BRCA2: variants seen among roughly 807,000 people sequenced by gnomAD.
BRCA2 encodes the protein breast cancer type 2 susceptibility protein.
BRCA2 carries 203 observed loss-of-function variants against 276.7 expected under a neutral mutation model. The observed-to-expected ratio is 0.73, with a 90% CI of 0.65 to 0.82. BRCA2 has a LOEUF of 0.82. Ranked by LOEUF, BRCA2 falls within the 40% of genes least tolerant of loss-of-function variation. The pLI is 0.00. For synonymous variants in BRCA2, 1,289 were observed against 1,338.4 expected (o/e 0.96, Z 0.81); for missense variants, 3,920 against 3,915.0 (o/e 1.00, Z -0.03).
intron 20 of BRCA2, among the ~76,000 whole-genome samples, chr13:32,373,854 G>A (rs1190382297): frequency 1.3e-5 from 2 of 152,224 alleles, no homozygotes; most frequent in African/African-American, 2.4e-5. Context: ...TTCCCTCCCG[G>A]TTTCCCTCCT....
At chr13:32,378,651 T>C (rs2072890235) in intron 21 of BRCA2, among the ~76,000 whole-genome samples, 2 of 152,224 alleles carry the variant, frequency 1.3e-5, no homozygotes, top group Non-Finnish European at 1.5e-5. Context: ...GTATGTTACA[T>C]GTCTAAATTC....
chr13:32,374,481 C>T (rs180887907), intron 20 of BRCA2, among the ~76,000 whole-genome samples: 10 of 152,354 alleles, frequency 6.6e-5, no homozygotes, highest in Non-Finnish European at 1.5e-4. Flanking sequence ...AGCCACATCA[C>T]ACCTTGAACA....
chr13:32,319,642 T>G (rs1279000072), intron 3 of BRCA2, among the ~76,000 whole-genome samples: 1 of 152,236 alleles, frequency 6.6e-6, no homozygotes, highest in Non-Finnish European at 1.5e-5. Flanking sequence ...TAAACTAAAC[T>G]ATATTTCTGC....
chr13:32,383,709 C>T (rs371216012), intron 24 of BRCA2, among the ~76,000 whole-genome samples: 22 of 151,702 alleles, frequency 1.5e-4, no homozygotes, highest in African/African-American at 5.1e-4. Flanking sequence ...CATTAGAAGA[C>T]GTGGATCAAT....
intron 15 of BRCA2, 144 bp from the exon 16 acceptor site, chr13:32,357,598 C>T: frequency 1.3e-6 from 1 of 772,034 alleles, no homozygotes; most frequent in East Asian, 2.7e-5. Flanking sequence ...TAGTAAATAA[C>T]TTAAATGTTT....
chr13:32,377,407 C>A (rs867883046), intron 21 of BRCA2, among the ~76,000 whole-genome samples: 2 of 152,084 alleles, frequency 1.3e-5, no homozygotes, highest in African/African-American at 4.8e-5. Flanking sequence ...GCCTGGCCAA[C>A]GTGGTGAAAC....
chr13:32,317,443 AC>A (rs1372476284), intron 2 of BRCA2, among the ~76,000 whole-genome samples: 2 of 152,162 alleles, frequency 1.3e-5, no homozygotes, highest in Non-Finnish European at 2.9e-5. Flanking sequence ...AATTAACCTC[AC>A]GTTGAAAAAA....
rs397507631 is a variant in BRCA2, at chr13:32,336,826, T to C, written c.2471T>C (p.Leu824Ser). The change falls in exon 11 of 27, where the codon TTA (leucine) becomes TCA (serine). Residue 824 changes from leucine to serine, a missense_variant. Physicochemically the swap from Leu to Ser is moderately radical, Grantham distance 145. Around this residue, in one of 2 missense-constraint regions of BRCA2, gnomAD observed 3,263 missense variants for 3,156.9 expected, o/e 1.03. Transcript: ENST00000380152. ...GAAAAGAATCAAGATGTATGTGCTTTAAATGAAAATTATAAAAACGTTGAG... is the reference window on the plus strand; with the variant it reads ...GAAAAGAATCAAGATGTATGTGCTTCAAATGAAAATTATAAAAACGTTGAG... ...PMEKNQDVCA[L>S]NENYKNVELL... 2.5e-6 allele frequency: 4 copies of C among 1,602,664 alleles called. No homozygotes were observed. The East Asian group carries it at 8.9e-5, about 36-fold the overall frequency.
chr13:32,386,379 G>A (rs1171904971), intron 24 of BRCA2, among the ~76,000 whole-genome samples: 2 of 152,156 alleles, frequency 1.3e-5, no homozygotes, highest in Non-Finnish European at 2.9e-5. Context: ...CTGCACTCCA[G>A]CCTGGGCCAC....
chr13:32,346,957 A>G (rs2137542143), intron 13 of BRCA2, 61 bp downstream of exon 13: 1 of 1,293,778 alleles, frequency 7.7e-7, no homozygotes. Flanking sequence ...TCGTTTTTAT[A>G]AATGAACATT....
intron 16 of BRCA2, among the ~76,000 whole-genome samples, chr13:32,361,797 G>C (rs75167858): frequency 6.6e-6 from 1 of 152,196 alleles, no homozygotes; most frequent in Non-Finnish European, 1.5e-5. Context: ...TGTTGTCTTA[G>C]TGCTAAGAGT....
intron 25 of BRCA2, 32 bp from the exon 26 acceptor site, chr13:32,396,866 T>G: frequency 6.2e-7 from 1 of 1,613,734 alleles, no homozygotes; most frequent in Non-Finnish European, 8.5e-7. Context: ...GGTTTGCAAT[T>G]TATAAAGCAG....
At chr13:32,343,099 C>T (rs1203336771) in intron 11 of BRCA2, among the ~76,000 whole-genome samples, 1 of 151,840 alleles carries the variant, frequency 6.6e-6, no homozygotes, top group Non-Finnish European at 1.5e-5. Context: ...ATAGGATGAC[C>T]ATTGCATATG....
intron 25 of BRCA2, among the ~76,000 whole-genome samples, chr13:32,395,770 A>G (rs1208104470): frequency 6.6e-6 from 1 of 152,076 alleles, no homozygotes. Context: ...ATATAAAAAT[A>G]TATTTTAAAA....
In BRCA2 at chr13:32,339,283, T is replaced by C. The variant is rs28897731; in HGVS notation, c.4928T>C (p.Val1643Ala). ...IFLKVKVHEN[V>A]EKETAKSPAT... ...TTGAAAGTTAAAGTACATGAAAATG[T>C]AGAAAAAGAAACAGCAAAAAGTCCT... The change falls in exon 11 of 27, where the codon GTA (valine) becomes GCA (alanine). Residue 1643 changes from valine (V) to alanine (A), a missense_variant. Physicochemically the swap from Val to Ala is moderately conservative, Grantham distance 64. This residue lies in a region of BRCA2 where 3,263 missense variants were observed against 3,156.9 expected (regional missense o/e 1.03). Transcript: ENST00000380152. 4.0e-5 allele frequency: 64 copies of C among 1,607,312 alleles called. No individual in the cohort carries two copies. The highest frequency in any genetic ancestry group is 3.3e-4 in the Middle Eastern group (2 of 6,036).
rs398122617 is a variant in BRCA2 at position 32,396,969 on chromosome 13, G to C, written c.9573G>C (p.Trp3191Cys). ...TACTGCATGCAAATGATCCCAAGTG[G>C]TCCACCCCAACTAAAGACTGTACTT... is the stretch of plus-strand genomic sequence containing the variant. ...MHILHANDPK[W>C]STPTKDCTSG... is the part of the protein sequence containing the mutation. The change falls in exon 26 of 27, where the codon TGG becomes TGC. Residue 3191 changes from tryptophan (W) to cysteine (C), a missense_variant. Around this residue, in one of 2 missense-constraint regions of BRCA2, gnomAD observed 657 missense variants for 758.2 expected, o/e 0.87. Transcript: ENST00000380152. The C allele has an allele frequency of 6.2e-7, 1 of 1,613,984 alleles. No homozygotes were observed. The highest frequency in any genetic ancestry group is 8.5e-7 in the Non-Finnish European group (1 of 1,179,926).
chr13:32,318,686 C>T (rs1002067073), intron 2 of BRCA2, among the ~76,000 whole-genome samples: 1 of 152,176 alleles, frequency 6.6e-6, no homozygotes, highest in African/African-American at 2.4e-5. Context: ...GATCTGCTCG[C>T]CTCAGCCTCC....
intron 3 of BRCA2, 48 bp downstream of exon 3, chr13:32,319,373 T>C: frequency 6.5e-7 from 1 of 1,541,728 alleles, no homozygotes; most frequent in Non-Finnish European, 8.9e-7. Context: ...AACTAGGAAT[T>C]TAGGCAAACC....
At chr13:32,335,362 A>G (rs1435827621) in intron 10 of BRCA2, among the ~76,000 whole-genome samples, 2 of 151,758 alleles carry the variant, frequency 1.3e-5, no homozygotes, top group African/African-American at 4.8e-5. Flanking sequence ...AAAAAAAAAA[A>G]AGCTAATACA....
Sources: allele counts gnomAD v4.1 joint callset (sites outside exome capture counted in the v4.1 genomes callset), GRCh38; gene constraint gnomAD v4.1.1; regional missense constraint gnomAD v4.1.1; transcripts MANE v1.5; gene names NCBI Gene and HGNC (gene_info 2026-07-23, HGNC 2026-07-21).